The following ADAMTS20 variants were observed in gnomAD, a reference collection of about 807,000 sequenced individuals.
The protein encoded by ADAMTS20 is A disintegrin and metalloproteinase with thrombospondin motifs 20.
A neutral mutation model predicts 260.1 loss-of-function variants in ADAMTS20; 225 were observed. The ratio of observed to expected loss-of-function variants is 0.87; its 90% CI spans 0.78 to 0.97. The LOEUF (loss-of-function observed/expected upper bound fraction) is 0.97, where lower values mean the gene tolerates loss of function less well. ADAMTS20 is among the 50% of genes least tolerant of loss of function. The pLI is 0.00. For missense variants in ADAMTS20, 2,400 were observed against 2,337.7 expected (o/e 1.03, Z -0.55); for synonymous variants, 802 against 769.5 (o/e 1.04, Z -0.70).
chr12:43,448,116 C>A (rs1198083501), intron 14 of ADAMTS20, among the ~76,000 whole-genome samples: 3 of 152,096 alleles, frequency 2.0e-5, no homozygotes, highest in Admixed American at 6.5e-5. Flanking sequence ...CATTAATATT[C>A]TTTATAGAAC....
At chr12:43,501,475 G>T (rs113757061) in intron 4 of ADAMTS20, among the ~76,000 whole-genome samples, 1 of 59,074 alleles carries the variant, frequency 1.7e-5, no homozygotes, top group Non-Finnish European at 3.9e-5. Flanking sequence ...GCGCGCGCGC[G>T]CGCGCGCACA....
chr12:43,505,228 G>A (rs1942825024), intron 3 of ADAMTS20, among the ~76,000 whole-genome samples: 1 of 152,050 alleles, frequency 6.6e-6, no homozygotes, highest in Non-Finnish European at 1.5e-5. Flanking sequence ...ATTGGATTTG[G>A]CAGTGATTTA....
intron 3 of ADAMTS20, among the ~76,000 whole-genome samples, chr12:43,514,650 C>T (rs375403405): frequency 7.0e-6 from 1 of 142,688 alleles, no homozygotes; most frequent in South Asian, 2.4e-4. Flanking sequence ...GTGAAGAAGT[C>T]GGACTAAGAT....
intron 14 of ADAMTS20, among the ~76,000 whole-genome samples, chr12:43,451,966 C>T (rs949078431): frequency 1.3e-5 from 2 of 152,084 alleles, no homozygotes; most frequent in South Asian, 2.1e-4. Context: ...CCTTACAATC[C>T]TTTTATCTTA....
rs1162338659 is a variant in ADAMTS20, at chr12:43,460,964, T to TTATATATATATATA, written c.1614+1917_1614+1930dup. Among the ~76,000 whole-genome samples the TTATATATATATATA allele has an allele frequency of 8.8e-4, 51 of 58,008 alleles. 3 individuals are homozygous for TTATATATATATATA. The highest frequency in any genetic ancestry group is 2.3e-3 in the South Asian group (2 of 874). The allele number at this position is 58,008 out of a possible 152,430, so 38.1% of individuals were successfully genotyped here. A position where few individuals can be genotyped will look rare whatever the true frequency, so the allele number is the denominator to read the frequency against. On this transcript the variant is annotated intron_variant, in intron 11 of 38. Transcript: ENST00000389420. The stretch of plus-strand genomic sequence containing the variant: ...TGCCTAGATAAGAGGCACAACTAAA[T>TTATATATATATATA]TATATATATATATATATATATATAT...
chr12:43,441,294 A>T (rs1366050016), intron 16 of ADAMTS20, among the ~76,000 whole-genome samples: 2 of 151,824 alleles, frequency 1.3e-5, no homozygotes, highest in Admixed American at 6.6e-5. Context: ...ATATACCTAT[A>T]GAATATGTAT....
intron 4 of ADAMTS20, among the ~76,000 whole-genome samples, chr12:43,499,805 T>C (rs537466320): frequency 6.6e-6 from 1 of 152,140 alleles, no homozygotes; most frequent in African/African-American, 2.4e-5. Context: ...GCCTGGCCAA[T>C]ACTGATTTTT....
Position 43,399,310 on chromosome 12 carries a change from G to T in ADAMTS20, c.4285-77C>A. ...AGCTTATCTTAAAGAAGTACAAAAT[G>T]TAACAATCCACACATAATTCCTTTG... On this transcript the variant is annotated intron_variant, in intron 28 of 38. Transcript: ENST00000389420. 3.4e-6 allele frequency: 4 copies of T among 1,168,372 alleles called. No individual in the cohort carries two copies. In the South Asian group the frequency reaches 9.3e-5, roughly 27 times the overall value. 72.4% of individuals were successfully genotyped at this position (1,168,372 alleles called of 1,614,324 possible). A position where few individuals can be genotyped will look rare whatever the true frequency, so the allele number is the denominator to read the frequency against.
intron 3 of ADAMTS20, among the ~76,000 whole-genome samples, chr12:43,502,993 T>C (rs982518897): frequency 2.0e-5 from 3 of 152,226 alleles, no homozygotes; most frequent in Non-Finnish European, 4.4e-5. Context: ...ATACCTGATT[T>C]ATTATGTTTG....
chr12:43,441,947 C>G (rs1941673343), intron 16 of ADAMTS20, among the ~76,000 whole-genome samples: 1 of 152,114 alleles, frequency 6.6e-6, no homozygotes, highest in African/African-American at 2.4e-5. Context: ...GAGGAACAAA[C>G]AAAGATCTAT....
At chr12:43,376,004 A>T in intron 35 of ADAMTS20, 53 bp downstream of exon 35, 1 of 1,351,210 alleles carries the variant, frequency 7.4e-7, no homozygotes, top group African/African-American at 1.5e-5. Flanking sequence ...AGAAGTTCCA[A>T]TTCTCTTGGA....
At position 43,428,620 on chromosome 12, in the gene ADAMTS20, C is replaced by A; in HGVS notation, c.3654+15G>T. 2 of 1,522,932 alleles carry A rather than the reference C, an allele frequency of 1.3e-6. No individual in the cohort carries two copies. Among genetic ancestry groups the A allele is most frequent in the Non-Finnish European group, 8.8e-7 (1 of 1,139,280 alleles). 94.3% of individuals were successfully genotyped at this position (1,522,932 alleles called of 1,614,324 possible). A position where few individuals can be genotyped will look rare whatever the true frequency, so the allele number is the denominator to read the frequency against. On this transcript the variant is annotated intron_variant, in intron 25 of 38. Transcript: ENST00000389420. ...TAAATTTTTCATTTTCTTTTTTTCT[C>A]ATAAGAATACTTACGGGTGACCAAT...
chr12:43,516,755 C>G (rs552512549), intron 3 of ADAMTS20, among the ~76,000 whole-genome samples: 86 of 151,838 alleles, frequency 5.7e-4, no homozygotes, highest in African/African-American at 2.0e-3. Context: ...AAACTATGCA[C>G]GTTGTGCACA....
chr12:43,501,055 CTTTTTT>C lies in ADAMTS20; in HGVS notation c.867+1091_867+1096del, dbSNP rs79075751. 1.5e-4 allele frequency among the ~76,000 whole-genome samples: 16 copies of C among 104,880 alleles called. 1 individual carries two copies. The highest frequency in any genetic ancestry group is 5.2e-3 in the Middle Eastern group (1 of 194). 68.8% of individuals were successfully genotyped at this position (104,880 alleles called of 152,430 possible). Reference sequence around the variant, plus strand: ...TCTATAAATAGGTGGCTATGTAATTCTTTTTTTTTTTTTTTTTTTTGAGTCATAGTT... The same window carrying C: ...TCTATAAATAGGTGGCTATGTAATTCTTTTTTTTTTTTTTGAGTCATAGTT... On this transcript the variant is annotated intron_variant, in intron 4 of 38. Transcript: ENST00000389420.
At chr12:43,364,690 GAAGAA>G (rs947033749) in intron 37 of ADAMTS20, among the ~76,000 whole-genome samples, 4 of 152,042 alleles carry the variant, frequency 2.6e-5, no homozygotes, top group Admixed American at 2.6e-4. Flanking sequence ...GAAAAAAGAA[GAAGAA>G]AAATGAATAG....
At chr12:43,423,928 T>A in intron 28 of ADAMTS20, 1 of 712,486 alleles carries the variant, frequency 1.4e-6, no homozygotes, top group Non-Finnish European at 2.6e-6. Context: ...GATCCTCCTA[T>A]AAAGTTAAAA....
At chr12:43,421,256 G>A (rs1941228393) in intron 28 of ADAMTS20, among the ~76,000 whole-genome samples, 1 of 126,548 alleles carries the variant, frequency 7.9e-6, no homozygotes, top group African/African-American at 3.0e-5. Flanking sequence ...CCAGAATTTA[G>A]GGTTCAAGTA....
At chr12:43,546,354 C>A (rs1943440490) in intron 2 of ADAMTS20, among the ~76,000 whole-genome samples, 1 of 152,216 alleles carries the variant, frequency 6.6e-6, no homozygotes, top group South Asian at 2.1e-4. Context: ...CATCTGGAAA[C>A]TGTTTCCTTC....
chr12:43,521,905 G>A (rs751919425), intron 3 of ADAMTS20, among the ~76,000 whole-genome samples: 4 of 152,048 alleles, frequency 2.6e-5, no homozygotes, highest in Non-Finnish European at 5.9e-5. Context: ...CTCTTGGCTG[G>A]AGAGCCCTGT....
Sources: gnomAD v4.1 joint callset for allele counts (sites outside exome capture counted in the v4.1 genomes callset) on GRCh38, gnomAD v4.1.1 for gene constraint, MANE v1.5 for transcripts, NCBI Gene and HGNC (gene_info 2026-07-23, HGNC 2026-07-21) for gene names.